The following RBFOX1 variants were observed in gnomAD, a reference collection of about 807,000 sequenced individuals.
The protein encoded by RBFOX1 is RNA binding protein fox-1 homolog 1.
RBFOX1 carries 8 observed loss-of-function variants against 57.7 expected under a neutral mutation model. That is an observed-to-expected ratio of 0.14 (90% CI 0.08 to 0.25). RBFOX1 has a LOEUF of 0.25. Ranked by LOEUF, RBFOX1 falls within the 10% of genes least tolerant of loss-of-function variation. The pLI is 1.00. For synonymous variants in RBFOX1, 326 were observed against 222.4 expected, an observed-to-expected ratio of 1.47 and a Z score of -4.15; for missense variants, 611 against 548.5, an observed-to-expected ratio of 1.11 and a Z score of -1.14.
At chr16:5,446,163 G>T (rs1357138971) in intron 1 of RBFOX1, among the ~76,000 whole-genome samples, 2 of 152,124 alleles carry the variant, frequency 1.3e-5, no homozygotes, top group Non-Finnish European at 2.9e-5. Flanking sequence ...AATTCCAGCT[G>T]ATGAATTTCT....
At chr16:6,557,361 A>T (rs902061505) in intron 2 of RBFOX1, among the ~76,000 whole-genome samples, 23 of 152,078 alleles carry the variant, frequency 1.5e-4, no homozygotes, top group Non-Finnish European at 1.6e-4. Context: ...ATAATTGCTA[A>T]GAATTATACT....
intron 1 of RBFOX1, among the ~76,000 whole-genome samples, chr16:5,457,644 C>A (rs953109027): frequency 1.3e-5 from 2 of 152,196 alleles, no homozygotes; most frequent in African/African-American, 4.8e-5. Context: ...TCTCCTCTTT[C>A]TTAAGTTGTC....
chr16:7,258,576 CATAAGT>C (rs376327447), intron 4 of RBFOX1, among the ~76,000 whole-genome samples: 209 of 152,214 alleles, frequency 1.4e-3, no homozygotes, highest in African/African-American at 4.6e-3. Context: ...GTAATTTACT[CATAAGT>C]ATGAGATTCA....
intron 4 of RBFOX1, among the ~76,000 whole-genome samples, chr16:7,368,143 A>G (rs770323246): frequency 1.3e-5 from 2 of 151,924 alleles, no homozygotes; most frequent in Non-Finnish European, 2.9e-5. Flanking sequence ...GGCACACACC[A>G]GTAGTCCCAG....
intron 3 of RBFOX1, among the ~76,000 whole-genome samples, chr16:6,913,444 C>T (rs1437348581): frequency 2.0e-5 from 3 of 152,124 alleles, no homozygotes. Flanking sequence ...CTCATATCCC[C>T]CACCAGACCC....
intron 1 of RBFOX1, among the ~76,000 whole-genome samples, chr16:6,151,659 T>C (rs2096798636): frequency 6.6e-6 from 1 of 152,216 alleles, no homozygotes; most frequent in African/African-American, 2.4e-5. Context: ...ACAATCGTAA[T>C]TGAAACAGAT....
chr16:5,256,481 G>C (rs905382829), intron 1 of RBFOX1, among the ~76,000 whole-genome samples: 1 of 152,198 alleles, frequency 6.6e-6, no homozygotes, highest in Admixed American at 6.5e-5. Flanking sequence ...AACCACATCT[G>C]CTTCTCTCCC....
chr16:6,657,316 G>A (rs943745746), intron 3 of RBFOX1, among the ~76,000 whole-genome samples: 19 of 152,156 alleles, frequency 1.2e-4, no homozygotes, highest in African/African-American at 4.3e-4. Flanking sequence ...GTTAAGAAGA[G>A]ATTGGGAGTG....
chr16:5,251,744 T>C (rs7188715), intron 1 of RBFOX1, among the ~76,000 whole-genome samples: 75,671 of 144,576 alleles, frequency 0.52, 18,960 homozygotes, highest in East Asian at 0.61. Flanking sequence ...GTTTTGTATT[T>C]TGATCTGGAT....
intron 1 of RBFOX1, among the ~76,000 whole-genome samples, chr16:6,294,402 C>G (rs144340742): frequency 1.3e-5 from 2 of 152,302 alleles, no homozygotes; most frequent in East Asian, 1.9e-4. Context: ...GCCCTGGTAA[C>G]TTTGCGTAAA....
chr16:5,670,456 A>T (rs1567374890), intron 3 of RBFOX1, among the ~76,000 whole-genome samples: 1 of 152,196 alleles, frequency 6.6e-6, no homozygotes, highest in African/African-American at 2.4e-5. Context: ...ACCAACACCA[A>T]TGTAAGTTGT....
chr16:6,673,523 G>C (rs145094100), intron 3 of RBFOX1, among the ~76,000 whole-genome samples: 2,675 of 152,292 alleles, frequency 0.018, 33 homozygotes, highest in Admixed American at 0.033. Context: ...AGGAGGTGGA[G>C]GTTGCAGTGA....
chr16:6,478,768 C>T (rs966735383), intron 2 of RBFOX1, among the ~76,000 whole-genome samples: 1 of 151,924 alleles, frequency 6.6e-6, no homozygotes, highest in African/African-American at 2.4e-5. Flanking sequence ...GTGGAACAGT[C>T]AGAACACACA....
At chr16:5,823,448 T>C (rs1329715453) in intron 3 of RBFOX1, among the ~76,000 whole-genome samples, 1 of 152,132 alleles carries the variant, frequency 6.6e-6, no homozygotes, top group East Asian at 1.9e-4. Flanking sequence ...ATATTGCTTA[T>C]TGAGAATATA....
At chr16:7,527,763 T>G (rs1245600411) in intron 5 of RBFOX1, among the ~76,000 whole-genome samples, 1 of 152,126 alleles carries the variant, frequency 6.6e-6, no homozygotes. Context: ...ATAGTAAACA[T>G]TCTACCAGAT....
intron 3 of RBFOX1, among the ~76,000 whole-genome samples, chr16:7,003,291 C>G (rs1443625812): frequency 6.6e-6 from 1 of 151,882 alleles, no homozygotes; most frequent in Admixed American, 6.6e-5. Flanking sequence ...AAACCCCCGT[C>G]TCTACTAAAA....
chr16:7,634,052 C>A (rs532981429), intron 11 of RBFOX1, among the ~76,000 whole-genome samples: 46 of 152,308 alleles, frequency 3.0e-4, no homozygotes, highest in African/African-American at 1.1e-3. Flanking sequence ...TTTCTTCTCC[C>A]AACAGTTTCG....
intron 4 of RBFOX1, among the ~76,000 whole-genome samples, chr16:7,354,222 C>G (rs1029093349): frequency 6.6e-6 from 1 of 152,154 alleles, no homozygotes; most frequent in Non-Finnish European, 1.5e-5. Context: ...CTGCCCACCT[C>G]GGCCTCCCAC....
At chr16:7,483,319 C>G (rs1057116181) in intron 4 of RBFOX1, among the ~76,000 whole-genome samples, 1 of 152,126 alleles carries the variant, frequency 6.6e-6, no homozygotes, top group Non-Finnish European at 1.5e-5. Flanking sequence ...ATCTGGCAGA[C>G]CTGTTGTCCT....
Sources: allele counts gnomAD v4.1 joint callset (sites outside exome capture counted in the v4.1 genomes callset), GRCh38; gene constraint gnomAD v4.1.1; transcripts MANE v1.5; gene names NCBI Gene and HGNC (gene_info 2026-07-23, HGNC 2026-07-21).